Variants in ATF2 observed in about 807,000 individuals in gnomAD.
ATF2 encodes the protein cyclic AMP-dependent transcription factor ATF-2.
ATF2 carries 24 observed loss-of-function variants against 60.6 expected under a neutral mutation model. That is an observed-to-expected ratio of 0.40 (90% confidence interval 0.29 to 0.56). The LOEUF (loss-of-function observed/expected upper bound fraction) is 0.56. ATF2 is among the 20% of genes least tolerant of loss of function. The pLI is 0.54. For missense variants in ATF2, 433 were observed against 607.7 expected (o/e 0.71, Z 3.02); for synonymous variants, 206 against 215.4 (o/e 0.96, Z 0.38).
intron 12 of ATF2, among the ~76,000 whole-genome samples, chr2:175,082,889 T>A (rs887852186): frequency 6.6e-6 from 1 of 152,154 alleles, no homozygotes; most frequent in Admixed American, 6.6e-5. Flanking sequence ...TAGGAAAGCA[T>A]TTCACAATTG....
intron 4 of ATF2, among the ~76,000 whole-genome samples, chr2:175,127,438 C>T (rs1697413414): frequency 6.6e-6 from 1 of 152,106 alleles, no homozygotes; most frequent in Non-Finnish European, 1.5e-5. Context: ...CTCTCTGTGT[C>T]CACTGTTAAC....
intron 4 of ATF2, 136 bp from the exon 5 acceptor site, chr2:175,121,676 C>A: frequency 1.7e-6 from 1 of 605,810 alleles, no homozygotes; most frequent in Non-Finnish European, 2.8e-6. Context: ...ATAAAAGAAT[C>A]CGTTATTGTT....
intron 2 of ATF2, among the ~76,000 whole-genome samples, chr2:175,148,597 C>A (rs1000669155): frequency 6.6e-6 from 1 of 152,134 alleles, no homozygotes; most frequent in Non-Finnish European, 1.5e-5. Flanking sequence ...ACCCTCCTCC[C>A]GTTGAAATTC....
intron 1 of ATF2, among the ~76,000 whole-genome samples, chr2:175,156,387 A>AC (rs1699688656): frequency 6.7e-6 from 1 of 149,328 alleles, no homozygotes; most frequent in Non-Finnish European, 1.5e-5. Flanking sequence ...CAAAAAAAAA[A>AC]AAAAAAAAAA....
intron 7 of ATF2, among the ~76,000 whole-genome samples, chr2:175,115,760 A>C (rs1013828544): frequency 3.9e-5 from 6 of 152,198 alleles, no homozygotes; most frequent in Non-Finnish European, 5.9e-5. Flanking sequence ...CAAGTAAAAC[A>C]AGTAAGAAAA....
intron 4 of ATF2, among the ~76,000 whole-genome samples, chr2:175,129,175 T>C (rs1697557529): frequency 6.6e-6 from 1 of 152,150 alleles, no homozygotes; most frequent in South Asian, 2.1e-4. Context: ...ATTGGTAACA[T>C]AACATGGAGA....
chr2:175,094,403 G>GAAAAAA (rs61440218), intron 11 of ATF2, among the ~76,000 whole-genome samples: 176 of 61,144 alleles, frequency 2.9e-3, no homozygotes, highest in East Asian at 9.8e-3. Flanking sequence ...CAAAAAATAC[G>GAAAAAA]AAAAAAAAAA....
chr2:175,077,045 GT>G (rs572617928), intron 13 of ATF2, among the ~76,000 whole-genome samples: 37 of 148,736 alleles, frequency 2.5e-4, no homozygotes, highest in African/African-American at 8.5e-4. Flanking sequence ...AGAACATGCA[GT>G]GTTTGGTTTT....
chr2:175,151,005 A>C (rs1699277894), intron 2 of ATF2, 55 bp downstream of exon 2: 1 of 152,604 alleles, frequency 6.6e-6, no homozygotes, highest in Non-Finnish European at 1.5e-5. Flanking sequence ...AGTATTTGAA[A>C]GATAATCACA....
intron 3 of ATF2, among the ~76,000 whole-genome samples, chr2:175,134,262 G>A (rs779683409): frequency 3.3e-5 from 5 of 152,110 alleles, no homozygotes; most frequent in Non-Finnish European, 7.4e-5. Context: ...GTATACGGGA[G>A]GATGTGCATA....
intron 10 of ATF2, among the ~76,000 whole-genome samples, chr2:175,102,919 T>C (rs2105631218): frequency 6.6e-6 from 1 of 152,340 alleles, no homozygotes; most frequent in South Asian, 2.1e-4. Flanking sequence ...TAATGTTTAA[T>C]TTTCAGTGAT....
At position 175,083,938 on chromosome 2, in the gene ATF2, A is replaced by G. The variant is rs181240346; in HGVS notation, c.1186-3173T>C. ...CGGAGAAATGCAAATCAAAACCACAATGAGATACCATCTCACACCAATTAG... is the reference window on the plus strand; with the variant it reads ...CGGAGAAATGCAAATCAAAACCACAGTGAGATACCATCTCACACCAATTAG... On this transcript the variant is annotated intron_variant, in intron 12 of 13. Transcript: ENST00000264110. 5.3e-5 allele frequency among the ~76,000 whole-genome samples: 8 copies of G among 152,312 alleles called. No individual in the cohort carries two copies. The East Asian group carries it at 1.5e-3, about 29-fold the overall frequency.
chr2:175,129,033 A>T (rs1388006811), intron 4 of ATF2, among the ~76,000 whole-genome samples: 1 of 152,166 alleles, frequency 6.6e-6, no homozygotes, highest in African/African-American at 2.4e-5. Context: ...TGTGTCCATA[A>T]AAAGACTTGT....
chr2:175,108,374 G>A (rs1433983954), intron 10 of ATF2, among the ~76,000 whole-genome samples: 3 of 150,826 alleles, frequency 2.0e-5, no homozygotes, highest in East Asian at 3.9e-4. Context: ...GAGGTGGGGG[G>A]TCAGCGTCCA....
chr2:175,097,321 T>G, intron 11 of ATF2, 123 bp downstream of exon 11: 1 of 1,369,022 alleles, frequency 7.3e-7, no homozygotes, highest in South Asian at 1.5e-5. Flanking sequence ...TTCCTGAGGC[T>G]TTTGATACAT....
chr2:175,092,784 T>C (rs1410784185), intron 12 of ATF2, among the ~76,000 whole-genome samples: 1 of 152,214 alleles, frequency 6.6e-6, no homozygotes, highest in Non-Finnish European at 1.5e-5. Context: ...CTGCACTTTA[T>C]ATCACAACTT....
At position 175,141,084 on chromosome 2, in the gene ATF2, T is replaced by TAC. The variant is rs150440606; in HGVS notation, c.-43-4600_-43-4599dup. On this transcript the variant is annotated intron_variant, in intron 2 of 13. Transcript: ENST00000264110. ...ATATATGTGTGTGTATATATATGTATACACACACACACACACAAATATCCT... is the reference window on the plus strand; with the variant it reads ...ATATATGTGTGTGTATATATATGTATACACACACACACACACACAAATATCCT... Among the ~76,000 whole-genome samples, 615 of 133,604 alleles carry TAC rather than the reference T, an allele frequency of 4.6e-3. 2 individuals are homozygous for TAC. The highest frequency in any genetic ancestry group is 0.015 in the African/African-American group (539 of 35,916). 87.6% of individuals were successfully genotyped at this position (133,604 alleles called of 152,430 possible).
intron 1 of ATF2, among the ~76,000 whole-genome samples, chr2:175,164,920 G>A (rs907594231): frequency 6.6e-6 from 1 of 152,288 alleles, no homozygotes; most frequent in East Asian, 1.9e-4. Context: ...GCAGTGGCAC[G>A]ATCGGCTCTC....
chr2:175,097,434 A>G lies in ATF2; in HGVS notation c.978+10T>C. ...GACAGAGTGCTGAATAATAAAAACA[A>G]CACACATACCGGAGTTTCTGTAGTG... On this transcript the variant is annotated intron_variant, in intron 11 of 13. Transcript: ENST00000264110. The G allele has an allele frequency of 1.2e-6, 2 of 1,613,164 alleles. No homozygotes were observed. Among genetic ancestry groups the G allele is most frequent in the Non-Finnish European group, 1.7e-6 (2 of 1,179,710 alleles).
Sources: allele counts gnomAD v4.1 joint callset (sites outside exome capture counted in the v4.1 genomes callset), GRCh38; gene constraint gnomAD v4.1.1; transcripts MANE v1.5; gene names NCBI Gene and HGNC (gene_info 2026-07-23, HGNC 2026-07-21).